ZFYVE28: variants seen among roughly 807,000 people sequenced by gnomAD.
The protein encoded by ZFYVE28 is zinc finger FYVE-type containing 28, also known as lateral signaling target protein 2 homolog.
A neutral mutation model predicts 82.1 loss-of-function variants in ZFYVE28; 40 were observed. The ratio of observed to expected loss-of-function variants is 0.49; its 90% CI spans 0.38 to 0.63. The LOEUF (loss-of-function observed/expected upper bound fraction) is 0.63, where lower values mean the gene tolerates loss of function less well. Among genes scored for constraint, ZFYVE28 ranks in the 30% least tolerant of loss-of-function variants. ZFYVE28 has a pLI of 0.00. For missense variants in ZFYVE28, 1,321 were observed against 1,242.1 expected (o/e 1.06, Z -0.96); for synonymous variants, 612 against 546.1 (o/e 1.12, Z -1.68).
intron 1 of ZFYVE28, among the ~76,000 whole-genome samples, chr4:2,369,087 A>G (rs185727571): frequency 6.6e-6 from 1 of 152,284 alleles, no homozygotes. Context: ...GGCACCCTTC[A>G]TTGCTGGCTG....
Position 2,355,350 on chromosome 4 carries a change from T to C in ZFYVE28, c.40-1277A>G, listed in dbSNP as rs112346681. On this transcript the variant is annotated intron_variant, in intron 1 of 12. Coordinates refer to ENST00000290974, the MANE Select transcript of ZFYVE28 (RefSeq NM_020972.3). ...AGGCTGGAGTGCAGTGGCGTGATCTTAGTTGACTGCAACCTCTGCCTCCTG... is the reference window on the plus strand; with the variant it reads ...AGGCTGGAGTGCAGTGGCGTGATCTCAGTTGACTGCAACCTCTGCCTCCTG... Among the ~76,000 whole-genome samples, 62 of 137,158 alleles carry C rather than the reference T, an allele frequency of 4.5e-4. 3 individuals carry two copies. The highest frequency in any genetic ancestry group is 1.7e-3 in the African/African-American group (60 of 34,824). The allele number at this position is 137,158 out of a possible 152,430, so 90.0% of individuals were successfully genotyped here. A position where few individuals can be genotyped will look rare whatever the true frequency, so the allele number is the denominator to read the frequency against.
chr4:2,389,221 G>A (rs1729575428), intron 1 of ZFYVE28, among the ~76,000 whole-genome samples: 1 of 152,196 alleles, frequency 6.6e-6, no homozygotes, highest in South Asian at 2.1e-4. Flanking sequence ...ATCCAGCCAG[G>A]TCCTGCCCAC....
intron 1 of ZFYVE28, among the ~76,000 whole-genome samples, chr4:2,377,182 C>A (rs540275967): frequency 6.6e-6 from 1 of 151,026 alleles, no homozygotes; most frequent in African/African-American, 2.5e-5. Flanking sequence ...CTACCACGCC[C>A]AGCTAATTTT....
intron 1 of ZFYVE28, among the ~76,000 whole-genome samples, chr4:2,398,343 C>T (rs1730712223): frequency 6.6e-6 from 1 of 152,304 alleles, no homozygotes; most frequent in Middle Eastern, 3.4e-3. Flanking sequence ...GGCACCCAGA[C>T]AGCTTCTTCA....
At chr4:2,333,283 C>G (rs1338485358) in intron 6 of ZFYVE28, among the ~76,000 whole-genome samples, 2 of 141,580 alleles carry the variant, frequency 1.4e-5, no homozygotes, top group African/African-American at 5.3e-5. Context: ...AGCTGCCCCC[C>G]CACCTCCCTC....
chr4:2,369,278 GT>G (rs1727237031), intron 1 of ZFYVE28, among the ~76,000 whole-genome samples: 1 of 152,200 alleles, frequency 6.6e-6, no homozygotes, highest in Non-Finnish European at 1.5e-5. Context: ...GTTCCATCTG[GT>G]GAGACAAGGG....
intron 8 of ZFYVE28, among the ~76,000 whole-genome samples, chr4:2,284,705 T>A (rs1010981097): frequency 6.6e-6 from 1 of 152,168 alleles, no homozygotes; most frequent in Non-Finnish European, 1.5e-5. Context: ...GGGCTGAGTC[T>A]GCAATGCACA....
At chr4:2,279,460 G>A (rs1356143704) in intron 8 of ZFYVE28, among the ~76,000 whole-genome samples, 1 of 151,958 alleles carries the variant, frequency 6.6e-6, no homozygotes, top group Non-Finnish European at 1.5e-5. Context: ...CACCCATCGT[G>A]CTGAGTGAAA....
At position 2,335,823 on chromosome 4, in the gene ZFYVE28, A is replaced by T; in HGVS notation, c.612-29T>A. The stretch of plus-strand genomic sequence containing the variant: ...TCCGGGGAGACGGACAGTGAGCAGC[A>T]TGAGGGCTGGCCCACCACAGCCACA... On this transcript the variant is annotated intron_variant, in intron 5 of 12. Transcript: ENST00000290974. The surrounding 1 kb of genome is among the most constrained non-coding windows in gnomAD (Gnocchi z 5.8). 1.3e-6 allele frequency: 2 copies of T among 1,543,614 alleles called. No individual in the cohort carries two copies. Among genetic ancestry groups the T allele is most frequent in the Non-Finnish European group, 1.8e-6 (2 of 1,140,684 alleles).
chr4:2,351,851 G>T (rs1205187314), intron 2 of ZFYVE28, among the ~76,000 whole-genome samples: 1 of 152,188 alleles, frequency 6.6e-6, no homozygotes, highest in Non-Finnish European at 1.5e-5. Context: ...TTGTAGAGTG[G>T]CTCGCAGAAC....
chr4:2,354,160 G>T, intron 1 of ZFYVE28, 87 bp from the exon 2 acceptor site: 1 of 1,350,052 alleles, frequency 7.4e-7, no homozygotes, highest in Non-Finnish European at 9.7e-7. Flanking sequence ...GGCCATGTGT[G>T]GGCTCAGCCT....
At chr4:2,413,538 G>T (rs1186361575) in intron 1 of ZFYVE28, among the ~76,000 whole-genome samples, 2 of 152,218 alleles carry the variant, frequency 1.3e-5, no homozygotes, top group Admixed American at 6.5e-5. Context: ...CCAGGCGCCC[G>T]CCAGGAGAGG....
chr4:2,270,659 G>A lies in ZFYVE28; in HGVS notation c.*66C>T. On this transcript the variant is annotated 3_prime_UTR_variant, in exon 13 of 13. Coordinates refer to ENST00000290974, the MANE Select transcript of ZFYVE28 (RefSeq NM_020972.3). Reference sequence around the variant, plus strand: ...TCATGAGACGCAGTGAGACCTGCCTGCAGCGTGGCCCCACCTTCCTGGGGG... The same window carrying A: ...TCATGAGACGCAGTGAGACCTGCCTACAGCGTGGCCCCACCTTCCTGGGGG... The A allele has an allele frequency of 6.2e-7, 1 of 1,603,744 alleles. No homozygotes were observed. The highest frequency in any genetic ancestry group is 2.2e-5 in the East Asian group (1 of 44,618).
chr4:2,389,905 A>G (rs3135089), intron 1 of ZFYVE28, among the ~76,000 whole-genome samples: 103,903 of 152,066 alleles, frequency 0.68, 35,649 homozygotes, highest in East Asian at 0.79. Flanking sequence ...CATCCCCTCC[A>G]GCCTCAGAGC....
At chr4:2,275,541 C>T (rs7681413) in intron 8 of ZFYVE28, among the ~76,000 whole-genome samples, 7,003 of 152,318 alleles carry the variant, frequency 0.046, 296 homozygotes, top group African/African-American at 0.1. Context: ...TCAGTTGCCA[C>T]TGGCATCCTG....
intron 6 of ZFYVE28, chr4:2,324,952 T>A (rs1719647021): frequency 5.6e-6 from 1 of 179,594 alleles, no homozygotes. Context: ...AAAGACTCTA[T>A]CTTATTTATT....
chr4:2,379,680 C>T (rs367623173), intron 1 of ZFYVE28, among the ~76,000 whole-genome samples: 1 of 152,182 alleles, frequency 6.6e-6, no homozygotes, highest in Non-Finnish European at 1.5e-5. Flanking sequence ...TCATGGGATA[C>T]ATTTCTATGC....
chr4:2,373,950 C>T (rs1727840455), intron 1 of ZFYVE28, among the ~76,000 whole-genome samples: 1 of 152,210 alleles, frequency 6.6e-6, no homozygotes, highest in Admixed American at 6.5e-5. Context: ...TCAGCACCGC[C>T]CCCCATCTCT....
intron 2 of ZFYVE28, among the ~76,000 whole-genome samples, chr4:2,345,067 C>T (rs184811613): frequency 6.6e-6 from 1 of 150,982 alleles, no homozygotes; most frequent in East Asian, 2.0e-4. Flanking sequence ...AAAAAAATAG[C>T]CGGGCACCTG....
Sources: gnomAD v4.1 joint callset for allele counts (sites outside exome capture counted in the v4.1 genomes callset) on GRCh38, gnomAD v4.1.1 for gene constraint, Gnocchi (gnomAD v3.1) non-coding constraint, MANE v1.5 for transcripts, NCBI Gene and HGNC (gene_info 2026-07-23, HGNC 2026-07-21) for gene names.